C2orf76: variants seen among roughly 807,000 people sequenced by gnomAD.
C2orf76 encodes the protein chromosome 2 open reading frame 76.
A neutral mutation model predicts 16.9 loss-of-function variants in C2orf76; 23 were observed. The observed-to-expected ratio is 1.36, with a 90% confidence interval of 0.98 to 1.93. The LOEUF (loss-of-function observed/expected upper bound fraction) is 1.93. C2orf76 is among the 30% of genes most tolerant of loss of function. The pLI, the probability that C2orf76 is intolerant of heterozygous loss-of-function variation, is 0.00. For synonymous variants in C2orf76, 48 were observed against 52.3 expected, an observed-to-expected ratio of 0.92 and a Z score of 0.35; for missense variants, 152 against 152.6, an observed-to-expected ratio of 1.00 and a Z score of 0.02.
intron 2 of C2orf76, among the ~76,000 whole-genome samples, chr2:119,334,887 G>A (rs867969311): frequency 6.6e-6 from 1 of 152,074 alleles, no homozygotes; most frequent in African/African-American, 2.4e-5. Flanking sequence ...AGTGCTTATG[G>A]CGAAAGGACA....
At chr2:119,357,541 A>T (rs1476606356) in intron 1 of C2orf76, among the ~76,000 whole-genome samples, 1 of 152,030 alleles carries the variant, frequency 6.6e-6, no homozygotes. Flanking sequence ...CTCTCAGAAA[A>T]ACAAGAAAAG....
chr2:119,315,220 C>T (rs80312809), intron 4 of C2orf76, among the ~76,000 whole-genome samples: 5,408 of 151,930 alleles, frequency 0.036, 299 homozygotes, highest in African/African-American at 0.12. Context: ...AGAGGAGGCT[C>T]GGGTGGGAAG....
chr2:119,350,116 A>C (rs1205159009), intron 1 of C2orf76, among the ~76,000 whole-genome samples: 1 of 139,662 alleles, frequency 7.2e-6, no homozygotes, highest in Non-Finnish European at 1.5e-5. Context: ...AGAACTAATG[A>C]GCAGTTAAAG....
chr2:119,312,313 T>C (rs763267205), intron 4 of C2orf76, among the ~76,000 whole-genome samples: 1 of 152,176 alleles, frequency 6.6e-6, no homozygotes, highest in South Asian at 2.1e-4. Context: ...AGTGGCGTGA[T>C]TATGGCTCAC....
intron 1 of C2orf76, among the ~76,000 whole-genome samples, chr2:119,362,021 C>T (rs192284891): frequency 2.0e-5 from 3 of 152,110 alleles, no homozygotes; most frequent in Admixed American, 1.3e-4. Context: ...CAATAGGAGT[C>T]CAACTTCTAT....
the C2orf76 span, among the ~76,000 whole-genome samples, chr2:119,296,887 C>T: frequency 6.6e-6 from 1 of 152,202 alleles, no homozygotes; most frequent in Non-Finnish European, 1.5e-5. Context: ...CACCTTTCTA[C>T]CATGTTTCTC....
rs752386688 is a variant in C2orf76 at position 119,311,671 on chromosome 2, G to A, written c.255C>T (p.Asp85=). ...TNELVLSLED[D]ERLLLKEDST... Reference sequence around the variant, plus strand: ...TGTCTTCTTTCAGCAGGAGTCTTTCGTCATCTTCCAAACTCAACACAAGTT... The same window carrying A: ...TGTCTTCTTTCAGCAGGAGTCTTTCATCATCTTCCAAACTCAACACAAGTT... The change falls in exon 5 of 6, where the codon GAC becomes GAT. Residue 85 remains aspartate (D), a synonymous_variant. Transcript: ENST00000334816. 18 of 1,611,306 alleles carry A rather than the reference G, an allele frequency of 1.1e-5. No homozygotes were observed. The highest frequency in any genetic ancestry group is 6.6e-5 in the South Asian group (6 of 90,950).
At chr2:119,301,476 G>A (rs1678620644), downstream of C2orf76, among the ~76,000 whole-genome samples, 1 of 152,116 alleles carries the variant, frequency 6.6e-6, no homozygotes, top group Non-Finnish European at 1.5e-5. Context: ...AGGAGCAATG[G>A]CAGAGCCGGC....
chr2:119,333,014 G>A (rs1679725363), intron 2 of C2orf76, among the ~76,000 whole-genome samples: 1 of 152,180 alleles, frequency 6.6e-6, no homozygotes, highest in South Asian at 2.1e-4. Context: ...ATTACGGTGT[G>A]AGCCACCACG....
the C2orf76 span, among the ~76,000 whole-genome samples, chr2:119,286,963 G>T: frequency 3.3e-5 from 5 of 152,160 alleles, no homozygotes; most frequent in East Asian, 9.6e-4. Context: ...TTTCTTCTTA[G>T]TACCCCCAGT....
chr2:119,289,603 T>C, the C2orf76 span, among the ~76,000 whole-genome samples: 1 of 151,774 alleles, frequency 6.6e-6, no homozygotes, highest in African/African-American at 2.4e-5. Flanking sequence ...GGAGAATCGA[T>C]TGAACCCAGG....
At chr2:119,364,107 G>C (rs1438623797) in intron 1 of C2orf76, among the ~76,000 whole-genome samples, 2 of 152,092 alleles carry the variant, frequency 1.3e-5, no homozygotes, top group African/African-American at 4.8e-5. Context: ...AGGGCAGAGA[G>C]AGAGGGAGAG....
chr2:119,339,504 C>G (rs1428857639), intron 2 of C2orf76, among the ~76,000 whole-genome samples: 1 of 151,882 alleles, frequency 6.6e-6, no homozygotes, highest in Non-Finnish European at 1.5e-5. Context: ...ATCAGCTACA[C>G]TACACCCGCT....
the C2orf76 span, among the ~76,000 whole-genome samples, chr2:119,295,380 G>A: frequency 2.0e-5 from 3 of 152,104 alleles, no homozygotes; most frequent in Admixed American, 2.0e-4. Flanking sequence ...AGGAGGAAGG[G>A]GCACTGATCA....
chr2:119,290,883 G>T, the C2orf76 span, among the ~76,000 whole-genome samples: 2 of 152,040 alleles, frequency 1.3e-5, no homozygotes, highest in African/African-American at 2.4e-5. Context: ...TTGCATGGTC[G>T]CTGTTGAGCA....
intron 1 of C2orf76, among the ~76,000 whole-genome samples, chr2:119,362,815 T>A (rs1171354019): frequency 6.6e-6 from 1 of 152,134 alleles, no homozygotes; most frequent in Non-Finnish European, 1.5e-5. Context: ...CCAGCCCAAG[T>A]TGGCTAGGCA....
chr2:119,289,012 A>G, the C2orf76 span, among the ~76,000 whole-genome samples: 1 of 152,040 alleles, frequency 6.6e-6, no homozygotes, highest in African/African-American at 2.4e-5. Flanking sequence ...TCTACTTTCA[A>G]GTGTATAAGC....
chr2:119,288,357 C>G, the C2orf76 span, among the ~76,000 whole-genome samples: 1 of 151,762 alleles, frequency 6.6e-6, no homozygotes, highest in Non-Finnish European at 1.5e-5. Flanking sequence ...GGGGTTTCAC[C>G]GTGGTCTCTA....
chr2:119,323,705 G>A (rs941754567), intron 2 of C2orf76, among the ~76,000 whole-genome samples: 1 of 152,192 alleles, frequency 6.6e-6, no homozygotes. Context: ...CCAGACAGGT[G>A]ACAACAGGTA....
Sources: gnomAD v4.1 joint callset for allele counts (sites outside exome capture counted in the v4.1 genomes callset) on GRCh38, gnomAD v4.1.1 for gene constraint, MANE v1.5 for transcripts, NCBI Gene and HGNC (gene_info 2026-07-23, HGNC 2026-07-21) for gene names.